SOCS5: variants seen among roughly 807,000 people sequenced by gnomAD.
SOCS5 encodes the protein CIS-6.
A neutral mutation model predicts 42.8 loss-of-function variants in SOCS5; 32 were observed. The ratio of observed to expected loss-of-function variants is 0.75; its 90% CI spans 0.56 to 1.01. The LOEUF (loss-of-function observed/expected upper bound fraction) is 1.01, where lower values mean the gene tolerates loss of function less well. SOCS5 is among the 50% of genes least tolerant of loss of function. SOCS5 has a pLI of 0.00. For synonymous variants in SOCS5, 283 were observed against 229.6 expected, an observed-to-expected ratio of 1.23 and a Z score of -2.10; for missense variants, 627 against 653.0, an observed-to-expected ratio of 0.96 and a Z score of 0.43.
intron 1 of SOCS5, among the ~76,000 whole-genome samples, chr2:46,743,351 G>T (rs1410064087): frequency 6.6e-6 from 1 of 152,150 alleles, no homozygotes; most frequent in Non-Finnish European, 1.5e-5. Context: ...CATTTTTATG[G>T]TTATTTCTTA....
intron 1 of SOCS5, among the ~76,000 whole-genome samples, chr2:46,742,877 G>A (rs1434105140): frequency 1.3e-5 from 2 of 152,070 alleles, no homozygotes; most frequent in South Asian, 2.1e-4. Context: ...TGATGGCCAG[G>A]CTAGTCTAGA....
chr2:46,758,891 G>T lies in SOCS5; in HGVS notation c.361G>T (p.Gly121Cys). The T allele has an allele frequency of 6.2e-7, 1 of 1,613,968 alleles. No individual in the cohort carries two copies. The highest frequency in any genetic ancestry group is 8.5e-7 in the Non-Finnish European group (1 of 1,179,894). ...TTCCTACTCTCGACATGCTCCATGG[G>T]GTGGGAAGAAAAAACATTCCTGTTC... is the stretch of plus-strand genomic sequence containing the variant. ...RDSYSRHAPW[G>C]GKKKHSCSTK... is the part of the protein sequence containing the mutation. The change falls in exon 2 of 2, where the codon GGT (glycine) becomes TGT (cysteine). Residue 121 changes from glycine to cysteine, a missense_variant. Coordinates refer to ENST00000394861, the MANE Select transcript of SOCS5 (RefSeq NM_144949.3).
chr2:46,717,993 C>T (rs150412585), intron 1 of SOCS5, among the ~76,000 whole-genome samples: 314 of 152,306 alleles, frequency 2.1e-3, no homozygotes, highest in African/African-American at 7.2e-3. Context: ...GAAACTTTGT[C>T]TCCACAGCTC....
chr2:46,736,114 C>A (rs1240193672), intron 1 of SOCS5, among the ~76,000 whole-genome samples: 2 of 151,648 alleles, frequency 1.3e-5, no homozygotes, highest in Non-Finnish European at 2.9e-5. Flanking sequence ...CATCATAGCT[C>A]ACTGCAGCCT....
At chr2:46,701,383 T>C (rs1038440508) in intron 1 of SOCS5, among the ~76,000 whole-genome samples, 2 of 152,162 alleles carry the variant, frequency 1.3e-5, no homozygotes, top group African/African-American at 4.8e-5. Context: ...TCACGTTTCT[T>C]CTAGAGCTGG....
rs1315996631 is a variant in SOCS5, at chr2:46,760,713, C to G, written c.*572C>G. The G allele has an allele frequency of 6.0e-6, 1 of 167,120 alleles. No homozygotes were observed. Among genetic ancestry groups the G allele is most frequent in the African/African-American group, 2.4e-5 (1 of 41,440 alleles). The allele number at this position is 167,120 out of a possible 1,614,324, so 10.4% of individuals were successfully genotyped here. ...TTTATAATCAGACGCCTTTTCTCTTCTGCAAAAGGTACTGTTAAGTAAACC... is the reference window on the plus strand; with the variant it reads ...TTTATAATCAGACGCCTTTTCTCTTGTGCAAAAGGTACTGTTAAGTAAACC... On this transcript the variant is annotated 3_prime_UTR_variant, in exon 2 of 2. Coordinates refer to ENST00000394861, the MANE Select transcript of SOCS5 (RefSeq NM_144949.3).
Position 46,761,199 on chromosome 2 carries a change from C to A in SOCS5, c.*1058C>A, listed in dbSNP as rs535280049. 1.8e-5 allele frequency: 3 copies of A among 167,194 alleles called. No individual in the cohort carries two copies. In the East Asian group the frequency reaches 5.8e-4, roughly 32 times the overall value. 10.4% of individuals were successfully genotyped at this position (167,194 alleles called of 1,614,324 possible). On this transcript the variant is annotated 3_prime_UTR_variant, in exon 2 of 2. Coordinates refer to ENST00000394861, the MANE Select transcript of SOCS5 (RefSeq NM_144949.3). ...ACCTAAATTGCAGATTTAAAAGGTA[C>A]TGTACAACCATTATATCTGTAAATA...
chr2:46,703,695 G>C (rs945236262), intron 1 of SOCS5, among the ~76,000 whole-genome samples: 2 of 152,086 alleles, frequency 1.3e-5, no homozygotes, highest in Non-Finnish European at 2.9e-5. Flanking sequence ...TAAAATTCAT[G>C]GTTATGTGAA....
At chr2:46,720,685 T>G (rs1672858498) in intron 1 of SOCS5, among the ~76,000 whole-genome samples, 1 of 152,194 alleles carries the variant, frequency 6.6e-6, no homozygotes, top group Non-Finnish European at 1.5e-5. Context: ...AGGGATCTGG[T>G]CCAATTCCCT....
chr2:46,730,919 C>T (rs760554366), intron 1 of SOCS5, among the ~76,000 whole-genome samples: 25 of 152,130 alleles, frequency 1.6e-4, no homozygotes, highest in Admixed American at 4.6e-4. Context: ...TGTTTAAGTC[C>T]GAGCTCTCCT....
At chr2:46,726,170 C>T (rs1184307370) in intron 1 of SOCS5, among the ~76,000 whole-genome samples, 1 of 152,092 alleles carries the variant, frequency 6.6e-6, no homozygotes, top group African/African-American at 2.4e-5. Context: ...AATCTCAGCT[C>T]ACTGCAACCT....
intron 1 of SOCS5, among the ~76,000 whole-genome samples, chr2:46,751,758 A>G (rs1182505031): frequency 6.6e-5 from 10 of 152,224 alleles, no homozygotes; most frequent in African/African-American, 2.4e-4. Context: ...TAGATTTGGT[A>G]AACATAATCT....
chr2:46,707,372 T>G (rs529126996), intron 1 of SOCS5, among the ~76,000 whole-genome samples: 1 of 152,248 alleles, frequency 6.6e-6, no homozygotes, highest in Non-Finnish European at 1.5e-5. Flanking sequence ...TGATTGTTTC[T>G]TCACTCATTA....
intron 1 of SOCS5, among the ~76,000 whole-genome samples, chr2:46,718,212 C>T (rs1293771407): frequency 6.6e-6 from 1 of 152,064 alleles, no homozygotes; most frequent in Admixed American, 6.5e-5. Flanking sequence ...GCCTCTTGTC[C>T]AATATCTGAA....
chr2:46,706,114 T>C (rs1447820168), intron 1 of SOCS5, among the ~76,000 whole-genome samples: 2 of 152,228 alleles, frequency 1.3e-5, no homozygotes, highest in Admixed American at 6.5e-5. Flanking sequence ...ATATAAAAAT[T>C]ATAAAGGGGT....
chr2:46,752,248 A>G (rs1436410220), intron 1 of SOCS5, among the ~76,000 whole-genome samples: 1 of 151,080 alleles, frequency 6.6e-6, no homozygotes, highest in Non-Finnish European at 1.5e-5. Context: ...TGCTCATAGG[A>G]TTCAGCCCTG....
chr2:46,721,871 G>T (rs191281472), intron 1 of SOCS5, among the ~76,000 whole-genome samples: 1 of 151,878 alleles, frequency 6.6e-6, no homozygotes. Context: ...ATCCCAGTCC[G>T]CATTCAAAGT....
chr2:46,717,948 A>G (rs2103707743), intron 1 of SOCS5, among the ~76,000 whole-genome samples: 1 of 152,324 alleles, frequency 6.6e-6, no homozygotes, highest in African/African-American at 2.4e-5. Flanking sequence ...CTTAGTCTCT[A>G]GGCAAAGATT....
chr2:46,712,999 A>C (rs547324474), intron 1 of SOCS5, among the ~76,000 whole-genome samples: 34 of 152,326 alleles, frequency 2.2e-4, no homozygotes, highest in Admixed American at 2.0e-3. Flanking sequence ...TTTATCAATG[A>C]AGCCATCTGG....
Sources: gnomAD v4.1 joint callset for allele counts (sites outside exome capture counted in the v4.1 genomes callset) on GRCh38, gnomAD v4.1.1 for gene constraint, MANE v1.5 for transcripts, NCBI Gene and HGNC (gene_info 2026-07-23, HGNC 2026-07-21) for gene names.